SVEP1: variants seen among roughly 807,000 people sequenced by gnomAD.
SVEP1 encodes sushi, von Willebrand factor type A, EGF and pentraxin domain containing 1.
A neutral mutation model predicts 367.3 loss-of-function variants in SVEP1; 164 were observed. That is an observed-to-expected ratio of 0.45 (90% CI 0.39 to 0.51). The LOEUF (loss-of-function observed/expected upper bound fraction) is 0.51. SVEP1 is among the 20% of genes least tolerant of loss of function. The pLI is 0.00. For synonymous variants in SVEP1, 1,666 were observed against 1,611.6 expected, an observed-to-expected ratio of 1.03 and a Z score of -0.81; for missense variants, 4,117 against 4,425.3, an observed-to-expected ratio of 0.93 and a Z score of 1.98.
chr9:110,508,490 G>T lies in SVEP1; in HGVS notation c.1303+4436C>A, dbSNP rs370282496. ...GAAATGCAGAATTCTGGCCGGGTGC[G>T]GTGGCTCACGCCTGTAATCCCGGCA... On this transcript the variant is annotated intron_variant, in intron 5 of 47. Transcript: ENST00000374469. Among the ~76,000 whole-genome samples the T allele has an allele frequency of 1.3e-3, 201 of 152,138 alleles. 4 individuals are homozygous for T. The South Asian group carries it at 0.027, about 20-fold the overall frequency.
intron 1 of SVEP1, among the ~76,000 whole-genome samples, chr9:110,574,390 T>C (rs1208169529): frequency 6.6e-6 from 1 of 152,234 alleles, no homozygotes; most frequent in Admixed American, 6.5e-5. Context: ...TGATTTTCAA[T>C]TTCACACAAA....
intron 1 of SVEP1, among the ~76,000 whole-genome samples, chr9:110,577,344 A>G (rs1372227464): frequency 6.6e-6 from 1 of 152,148 alleles, no homozygotes; most frequent in Non-Finnish European, 1.5e-5. Context: ...ACCCATAAGC[A>G]TTTAGCACAT....
intron 40 of SVEP1, among the ~76,000 whole-genome samples, chr9:110,392,480 G>C (rs190630424): frequency 6.6e-6 from 1 of 152,240 alleles, no homozygotes; most frequent in Non-Finnish European, 1.5e-5. Flanking sequence ...CCCATCCAGA[G>C]ACACATAATG....
chr9:110,440,986 TTC>T (rs762084737), intron 27 of SVEP1, among the ~76,000 whole-genome samples: 4 of 152,212 alleles, frequency 2.6e-5, no homozygotes, highest in Non-Finnish European at 4.4e-5. Context: ...TCGTCCGGAA[TTC>T]TCTGTTTCTT....
intron 18 of SVEP1, 53 bp downstream of exon 18, chr9:110,465,812 T>C (rs985735049): frequency 2.6e-6 from 4 of 1,565,922 alleles, no homozygotes; most frequent in South Asian, 2.3e-5. Context: ...CACTCCTTCA[T>C]GCATAGAACC....
intron 5 of SVEP1, among the ~76,000 whole-genome samples, chr9:110,505,158 C>T (rs986574267): frequency 6.6e-6 from 1 of 152,162 alleles, no homozygotes. Flanking sequence ...CTCAACATTA[C>T]ATCAGAGAAG....
chr9:110,547,139 T>C (rs987692476), intron 2 of SVEP1, among the ~76,000 whole-genome samples: 6 of 152,048 alleles, frequency 3.9e-5, no homozygotes, highest in Non-Finnish European at 5.9e-5. Flanking sequence ...GACTCAAATA[T>C]AGAACATCCA....
intron 3 of SVEP1, among the ~76,000 whole-genome samples, chr9:110,531,271 T>C (rs780635970): frequency 6.6e-6 from 1 of 152,218 alleles, no homozygotes; most frequent in Non-Finnish European, 1.5e-5. Flanking sequence ...TGCTTCCATA[T>C]TTTGACATTT....
At chr9:110,373,372 G>GTACTT (rs928938746) in intron 46 of SVEP1, among the ~76,000 whole-genome samples, 3 of 152,124 alleles carry the variant, frequency 2.0e-5, no homozygotes, top group African/African-American at 7.2e-5. Context: ...GTCTGTAACA[G>GTACTT]TACTTTTCAG....
At chr9:110,572,651 C>T (rs1830577824) in intron 1 of SVEP1, among the ~76,000 whole-genome samples, 1 of 151,930 alleles carries the variant, frequency 6.6e-6, no homozygotes, top group Non-Finnish European at 1.5e-5. Flanking sequence ...CACTTGAGCC[C>T]AGGAGTTCGA....
At chr9:110,409,373 G>C (rs560408734) in intron 37 of SVEP1, among the ~76,000 whole-genome samples, 10 of 152,258 alleles carry the variant, frequency 6.6e-5, no homozygotes, top group African/African-American at 2.4e-4. Context: ...AGTGAGCTGA[G>C]ATTGTGCCAC....
At chr9:110,476,567 A>G (rs1829099193) in intron 13 of SVEP1, among the ~76,000 whole-genome samples, 1 of 152,054 alleles carries the variant, frequency 6.6e-6, no homozygotes, top group South Asian at 2.1e-4. Context: ...GCGCTCCTGG[A>G]ATATCTCCTG....
At chr9:110,400,801 C>T in intron 40 of SVEP1, 53 bp downstream of exon 40, 2 of 1,540,442 alleles carry the variant, frequency 1.3e-6, no homozygotes, top group Non-Finnish European at 1.8e-6. Context: ...GAAAGTATCC[C>T]CAAGTATATT....
chr9:110,515,363 C>T (rs7048551), intron 3 of SVEP1, among the ~76,000 whole-genome samples: 24,588 of 142,362 alleles, frequency 0.17, 2,519 homozygotes, highest in Admixed American at 0.28. Context: ...TGCAGTGGTG[C>T]GGTCTCGGCT....
intron 35 of SVEP1, 54 bp downstream of exon 35, chr9:110,429,089 G>T: frequency 7.3e-7 from 1 of 1,368,784 alleles, no homozygotes; most frequent in Non-Finnish European, 9.7e-7. Flanking sequence ...AAATAAAATA[G>T]GGAGCGAGTA....
At chr9:110,491,669 A>G (rs1203657707) in intron 8 of SVEP1, among the ~76,000 whole-genome samples, 2 of 151,714 alleles carry the variant, frequency 1.3e-5, no homozygotes, top group Non-Finnish European at 2.9e-5. Context: ...CCAGGAAATT[A>G]CATCAGGGAT....
At chr9:110,426,417 A>T (rs1828254089) in intron 36 of SVEP1, among the ~76,000 whole-genome samples, 1 of 151,806 alleles carries the variant, frequency 6.6e-6, no homozygotes, top group Non-Finnish European at 1.5e-5. Flanking sequence ...ATATCATTTT[A>T]TTTCTCACAA....
rs944027162 is a variant in SVEP1 at position 110,489,317 on chromosome 9, AC to A, written c.1930+332del. 3.5e-4 allele frequency among the ~76,000 whole-genome samples: 54 copies of A among 152,210 alleles called. 2 individuals are homozygous for A. The highest frequency in any genetic ancestry group is 2.9e-5 in the Non-Finnish European group (2 of 68,042). ...GTTCTCATGCTGCTAATAAAGACAT[AC>A]CCGAGACTGAGTAATTTATAAAGGA... On this transcript the variant is annotated intron_variant, in intron 9 of 47. Transcript: ENST00000374469.
chr9:110,446,462 G>T (rs1289965739), intron 25 of SVEP1, among the ~76,000 whole-genome samples: 6 of 152,186 alleles, frequency 3.9e-5, no homozygotes, highest in Admixed American at 3.9e-4. Context: ...TATTTCATGA[G>T]CAATTCAGCT....
Sources: gnomAD v4.1 joint callset for allele counts (sites outside exome capture counted in the v4.1 genomes callset) on GRCh38, gnomAD v4.1.1 for gene constraint, MANE v1.5 for transcripts, NCBI Gene and HGNC (gene_info 2026-07-23, HGNC 2026-07-21) for gene names.